ACACB: variants seen among roughly 807,000 people sequenced by gnomAD.
ACACB encodes the protein acetyl-CoA carboxylase 2.
Under a neutral mutation model 278.8 loss-of-function variants are expected in ACACB, and 209 were observed. The ratio of observed to expected loss-of-function variants is 0.75; its 90% confidence interval spans 0.67 to 0.84. The LOEUF (loss-of-function observed/expected upper bound fraction) is 0.84, where lower values mean the gene tolerates loss of function less well. Among genes scored for constraint, ACACB ranks in the 40% least tolerant of loss-of-function variants. The pLI, the probability that ACACB is intolerant of heterozygous loss-of-function variation, is 0.00. For synonymous variants in ACACB, 1,174 were observed against 1,285.6 expected, an observed-to-expected ratio of 0.91 and a Z score of 1.86; for missense variants, 2,850 against 3,269.0, an observed-to-expected ratio of 0.87 and a Z score of 3.13.
chr12:109,120,377 G>T (rs1397157686), intron 1 of ACACB, among the ~76,000 whole-genome samples: 1 of 152,166 alleles, frequency 6.6e-6, no homozygotes, highest in Non-Finnish European at 1.5e-5. Flanking sequence ...CAAGGGTGGG[G>T]ACCATCTTTC....
intron 1 of ACACB, among the ~76,000 whole-genome samples, chr12:109,139,006 C>T (rs1023483263): frequency 3.3e-5 from 5 of 152,192 alleles, no homozygotes. Context: ...TTCATCATCC[C>T]AAACAGAAAC....
chr12:109,242,702 G>C, intron 37 of ACACB, 110 bp downstream of exon 37: 1 of 1,354,506 alleles, frequency 7.4e-7, no homozygotes, highest in South Asian at 1.4e-5. Flanking sequence ...AAAGGACAAG[G>C]TCTTGCCAGG....
upstream of ACACB, among the ~76,000 whole-genome samples, chr12:109,112,328 A>C (rs565285814): frequency 1.3e-3 from 193 of 149,302 alleles, 2 homozygotes; most frequent in South Asian, 0.019. Flanking sequence ...AACTTTAGTC[A>C]TGTGGTGACA....
Position 109,153,342 on chromosome 12 carries a change from A to C in ACACB, c.653+13284A>C, listed in dbSNP as rs149190845. 3.5e-3 allele frequency among the ~76,000 whole-genome samples: 526 copies of C among 152,280 alleles called. 1 individual carries two copies. The highest frequency in any genetic ancestry group is 6.8e-3 in the Middle Eastern group (2 of 294). ...TTTACACATTTATAGGATACATGTA[A>C]AATTTTGTTACATGCATAGAATGCA... is the stretch of plus-strand genomic sequence containing the variant. On this transcript the variant is annotated intron_variant, in intron 2 of 52. Transcript: ENST00000338432.
chr12:109,256,245 G>A lies in ACACB; in HGVS notation c.6263+9G>A. ...GTGACAGGACGAGCAAGGTAATCAT[G>A]AAGACGGGAGCAGGCTGCCCATGTC... On this transcript the variant is annotated intron_variant, in intron 45 of 52. Transcript: ENST00000338432. 2.5e-6 allele frequency: 4 copies of A among 1,612,618 alleles called. No individual in the cohort carries two copies. Among genetic ancestry groups the A allele is most frequent in the Non-Finnish European group, 3.4e-6 (4 of 1,178,778 alleles).
At chr12:109,246,506 G>T in intron 39 of ACACB, 58 bp downstream of exon 39, 1 of 1,578,268 alleles carries the variant, frequency 6.3e-7, no homozygotes, top group Non-Finnish European at 8.6e-7. Context: ...TGTATTTTCA[G>T]TGGGAGTGCT....
chr12:109,257,324 A>T lies in ACACB; in HGVS notation c.6264-944A>T, dbSNP rs180797073. Among the ~76,000 whole-genome samples the T allele has an allele frequency of 9.0e-4, 137 of 152,126 alleles. 1 individual carries two copies. The East Asian group carries it at 0.026, about 29-fold the overall frequency. On this transcript the variant is annotated intron_variant, in intron 45 of 52. Transcript: ENST00000338432. ...ATATTTTTAAAAGCAAAAAATAAAA[A>T]AAAAAAAATCCACTCCTTCTTCCAT...
chr12:109,213,696 G>A (rs893638356), intron 22 of ACACB, among the ~76,000 whole-genome samples: 4 of 151,870 alleles, frequency 2.6e-5, no homozygotes, highest in African/African-American at 7.3e-5. Context: ...CCGGGTTCAC[G>A]CCATTCTTCT....
intron 21 of ACACB, 118 bp from the exon 22 acceptor site, chr12:109,212,718 C>A: frequency 1.3e-6 from 1 of 784,052 alleles, no homozygotes; most frequent in Non-Finnish European, 2.2e-6. Context: ...TCAGCCAGTT[C>A]CTAACAGGCC....
chr12:109,134,061 G>C (rs1336556617), intron 1 of ACACB, among the ~76,000 whole-genome samples: 1 of 151,652 alleles, frequency 6.6e-6, no homozygotes, highest in Non-Finnish European at 1.5e-5. Context: ...TGGGATTACA[G>C]ACGTAGCCAT....
chr12:109,147,646 G>A (rs1162220996), intron 2 of ACACB, among the ~76,000 whole-genome samples: 2 of 152,174 alleles, frequency 1.3e-5, no homozygotes, highest in East Asian at 3.9e-4. Flanking sequence ...TAGTTATAGT[G>A]GTCTCTGTTT....
intron 9 of ACACB, among the ~76,000 whole-genome samples, chr12:109,178,001 TAG>T (rs1371758216): frequency 6.6e-6 from 1 of 152,182 alleles, no homozygotes; most frequent in East Asian, 1.9e-4. Flanking sequence ...GTTCTTAATG[TAG>T]AGAGTCAGTC....
chr12:109,212,111 C>A (rs1025267570), intron 21 of ACACB, among the ~76,000 whole-genome samples: 1 of 152,084 alleles, frequency 6.6e-6, no homozygotes. Context: ...GCATTTTGAG[C>A]GCTTGAATTC....
chr12:109,199,221 G>A (rs539350388), intron 17 of ACACB, among the ~76,000 whole-genome samples, 181 bp from the exon 18 acceptor site: 1 of 152,178 alleles, frequency 6.6e-6, no homozygotes, highest in Admixed American at 6.5e-5. Context: ...AAGCATCACA[G>A]CCTTTTTGTT....
rs548867463 is a variant in ACACB at position 109,218,831 on chromosome 12, C to T, written c.3564+1911C>T. ...TCCCCCAGGCTGGAGTGCAGTGGCA[C>T]GATCTCTGTTCACTGCAACCTCCAC... On this transcript the variant is annotated intron_variant, in intron 24 of 52. Coordinates refer to ENST00000338432, the MANE Select transcript of ACACB (RefSeq NM_001093.4). 1.8e-4 allele frequency among the ~76,000 whole-genome samples: 27 copies of T among 150,968 alleles called. No homozygotes were observed. In the South Asian group the frequency reaches 2.7e-3, roughly 15 times the overall value.
intron 1 of ACACB, among the ~76,000 whole-genome samples, chr12:109,136,455 T>A (rs1451025079): frequency 6.6e-6 from 1 of 152,194 alleles, no homozygotes; most frequent in East Asian, 1.9e-4. Context: ...TTTAGTAATG[T>A]TTTGTAGTTT....
chr12:109,255,169 C>T (rs2047193930), intron 44 of ACACB, among the ~76,000 whole-genome samples: 1 of 152,196 alleles, frequency 6.6e-6, no homozygotes. Context: ...TTTGCACACA[C>T]ACATTCTCTC....
rs560472986 is a variant in ACACB at position 109,116,870 on chromosome 12, G to A, written c.-10+166G>A. On this transcript the variant is annotated intron_variant, in intron 1 of 52. Transcript: ENST00000338432. Reference sequence around the variant, plus strand: ...TGAAGGAAGCTAATCAGAAGAGCTCGAAATGTAACGCAGATGAAAGAGAAG... The same window carrying A: ...TGAAGGAAGCTAATCAGAAGAGCTCAAAATGTAACGCAGATGAAAGAGAAG... 4.2e-4 allele frequency among the ~76,000 whole-genome samples: 64 copies of A among 152,236 alleles called. 1 individual carries two copies. The South Asian group carries it at 0.011, about 25-fold the overall frequency.
At chr12:109,209,673 A>G (rs2045623117) in intron 21 of ACACB, among the ~76,000 whole-genome samples, 1 of 151,646 alleles carries the variant, frequency 6.6e-6, no homozygotes, top group Admixed American at 6.6e-5. Context: ...CATTAGAGGA[A>G]ACTGCAAGTT....
Sources: gnomAD v4.1 joint callset for allele counts (sites outside exome capture counted in the v4.1 genomes callset) on GRCh38, gnomAD v4.1.1 for gene constraint, MANE v1.5 for transcripts, NCBI Gene and HGNC (gene_info 2026-07-23, HGNC 2026-07-21) for gene names.